Variants in HDAC9 observed in about 807,000 individuals in gnomAD.
HDAC9 encodes the protein MEF-2 interacting transcription repressor (MITR) protein.
HDAC9 carries 41 observed loss-of-function variants against 139.4 expected under a neutral mutation model. That is an observed-to-expected ratio of 0.29 (90% confidence interval 0.23 to 0.38). HDAC9 has a LOEUF of 0.38. Among genes scored for constraint, HDAC9 ranks in the 10% least tolerant of loss-of-function variants. The pLI is 1.00. For missense variants in HDAC9, 1,147 were observed against 1,297.0 expected (o/e 0.88, Z 1.78); for synonymous variants, 517 against 476.2 (o/e 1.09, Z -1.12).
At chr7:18,596,673 A>T (rs946989717) in intron 6 of HDAC9, among the ~76,000 whole-genome samples, 6 of 152,136 alleles carry the variant, frequency 3.9e-5, no homozygotes, top group Non-Finnish European at 7.4e-5. Flanking sequence ...ATAGAGTGTA[A>T]ACACCAGCCC....
intron 17 of HDAC9, among the ~76,000 whole-genome samples, chr7:18,804,881 G>A (rs978541644): frequency 1.3e-5 from 2 of 152,136 alleles, no homozygotes; most frequent in Non-Finnish European, 2.9e-5. Flanking sequence ...TGCAACCTCT[G>A]CTTCCCAGGC....
chr7:18,151,562 C>T (rs767235575), intron 1 of HDAC9, among the ~76,000 whole-genome samples: 4 of 152,074 alleles, frequency 2.6e-5, no homozygotes, highest in Non-Finnish European at 4.4e-5. Flanking sequence ...CATGGTTCTT[C>T]GAAGAGATGA....
intron 1 of HDAC9, among the ~76,000 whole-genome samples, chr7:18,126,769 A>G (rs545419264): frequency 6.6e-6 from 1 of 152,270 alleles, no homozygotes; most frequent in Non-Finnish European, 1.5e-5. Context: ...CTGGCTGTCA[A>G]TTTGCTCTAA....
At chr7:18,254,966 A>C (rs1342135033) in intron 2 of HDAC9, among the ~76,000 whole-genome samples, 3 of 151,886 alleles carry the variant, frequency 2.0e-5, no homozygotes, top group Non-Finnish European at 4.4e-5. Context: ...AAAATTATGA[A>C]TATATGCTTT....
chr7:18,647,667 G>A (rs1787866449), intron 9 of HDAC9, 118 bp from the exon 10 acceptor site: 2 of 786,668 alleles, frequency 2.5e-6, no homozygotes, highest in South Asian at 2.1e-5. Context: ...CAGCCATTGG[G>A]TAAGATGGGG....
intron 1 of HDAC9, among the ~76,000 whole-genome samples, chr7:18,331,909 A>G (rs115655560): frequency 1.3e-5 from 2 of 151,474 alleles, no homozygotes; most frequent in Non-Finnish European, 3.0e-5. Flanking sequence ...GTTCAGTGGC[A>G]CAGTGGTGAT....
intron 2 of HDAC9, among the ~76,000 whole-genome samples, chr7:18,547,861 C>CCT (rs1563230225): frequency 5.9e-3 from 123 of 20,950 alleles, no homozygotes; most frequent in African/African-American, 0.01. Context: ...CCTTCCTACC[C>CCT]TCCCTCCCTC....
At chr7:18,299,953 T>G (rs1798424592) in intron 1 of HDAC9, among the ~76,000 whole-genome samples, 1 of 152,120 alleles carries the variant, frequency 6.6e-6, no homozygotes, top group African/African-American at 2.4e-5. Context: ...AAGATATTCT[T>G]TATTATCTCC....
At chr7:18,863,710 G>A (rs1639468791) in intron 21 of HDAC9, among the ~76,000 whole-genome samples, 1 of 152,140 alleles carries the variant, frequency 6.6e-6, no homozygotes, top group Non-Finnish European at 1.5e-5. Context: ...ACTTTGGAAG[G>A]TAAGTGTTAT....
intron 2 of HDAC9, among the ~76,000 whole-genome samples, chr7:18,534,402 C>G (rs1299303346): frequency 6.6e-6 from 1 of 152,130 alleles, no homozygotes; most frequent in African/African-American, 2.4e-5. Context: ...AACAAATTAG[C>G]CAGGCATGGC....
intron 8 of HDAC9, among the ~76,000 whole-genome samples, chr7:18,642,424 A>C (rs74335414): frequency 1.3e-5 from 2 of 152,234 alleles, no homozygotes; most frequent in African/African-American, 4.8e-5. Context: ...CTGTAGCAGC[A>C]GCTGTCAACA....
rs34168137 is a variant in HDAC9 at position 18,155,073 on chromosome 7, T to TTTTCTTTCTTTCTTTC, written c.-96-7148_-96-7133dup. ...TGTATTTACAGGTAGACAAAGCTTT[T>TTTTCTTTCTTTCTTTC]TTTCTTTCTTTCTTTCTTTCTTTTT... On this transcript the variant is annotated intron_variant, in intron 1 of 12. Coordinates refer to the HDAC9 transcript ENST00000417496. Among the ~76,000 whole-genome samples the TTTTCTTTCTTTCTTTC allele has an allele frequency of 1.1e-4, 16 of 148,866 alleles. 1 individual carries two copies. Among genetic ancestry groups the TTTTCTTTCTTTCTTTC allele is most frequent in the African/African-American group, 4.1e-4 (16 of 39,288 alleles).
At chr7:18,451,368 C>CGTGCGT (rs1554422577) in intron 1 of HDAC9, among the ~76,000 whole-genome samples, 3 of 138,800 alleles carry the variant, frequency 2.2e-5, no homozygotes, top group Non-Finnish European at 4.7e-5. Flanking sequence ...TGTATATGTG[C>CGTGCGT]GTGTGTGTGT....
chr7:18,992,188 A>G (rs1014244964), intron 25 of HDAC9, among the ~76,000 whole-genome samples: 1 of 152,250 alleles, frequency 6.6e-6, no homozygotes, highest in African/African-American at 2.4e-5. Context: ...TCTTTAGAGT[A>G]CGTATACTAG....
intron 2 of HDAC9, among the ~76,000 whole-genome samples, chr7:18,540,103 C>CAAAAAAA (rs34620445): frequency 1.2e-4 from 7 of 58,432 alleles, no homozygotes; most frequent in East Asian, 4.6e-4. Flanking sequence ...ACTAAAAATA[C>CAAAAAAA]AAAAAAAAAA....
At chr7:18,400,929 C>G (rs1437227705) in intron 1 of HDAC9, among the ~76,000 whole-genome samples, 1 of 152,126 alleles carries the variant, frequency 6.6e-6, no homozygotes, top group East Asian at 1.9e-4. Flanking sequence ...ATTGAGCTAT[C>G]AGAAGCTAAA....
In HDAC9 at chr7:18,590,380, A is replaced by G. The variant is rs1206366217; in HGVS notation, c.309A>G (p.Leu103=). 3 of 1,611,962 alleles carry G rather than the reference A, an allele frequency of 1.9e-6. No individual in the cohort carries two copies. The highest frequency in any genetic ancestry group is 2.5e-6 in the Non-Finnish European group (3 of 1,178,954). ...LLAIKQQQEL[L]EKEQKLEQQR... is the part of the protein sequence containing the mutation. Reference sequence around the variant, plus strand: ...CCATAAAACAGCAACAAGAACTCCTAGAAAAGGAGCAGAAACTGGAGCAGC... The same window carrying G: ...CCATAAAACAGCAACAAGAACTCCTGGAAAAGGAGCAGAAACTGGAGCAGC... Residue 103 remains leucine, a synonymous_variant, in exon 4 of 26, where the codon CTA becomes CTG. Coordinates refer to ENST00000686413, the MANE Select transcript of HDAC9 (RefSeq NM_178425.4).
intron 1 of HDAC9, among the ~76,000 whole-genome samples, chr7:18,350,930 G>A (rs1782798684): frequency 6.6e-6 from 1 of 152,098 alleles, no homozygotes; most frequent in Non-Finnish European, 1.5e-5. Flanking sequence ...CTGGGTAGCT[G>A]GTCGACCCGT....
intron 8 of HDAC9, among the ~76,000 whole-genome samples, chr7:18,637,351 T>C (rs1420198966): frequency 2.0e-5 from 3 of 152,052 alleles, no homozygotes; most frequent in Non-Finnish European, 4.4e-5. Context: ...TATACATCAG[T>C]GAAGAAAGTA....
Sources: gnomAD v4.1 joint callset for allele counts (sites outside exome capture counted in the v4.1 genomes callset) on GRCh38, gnomAD v4.1.1 for gene constraint, MANE v1.5 for transcripts, NCBI Gene and HGNC (gene_info 2026-07-23, HGNC 2026-07-21) for gene names.